Variants in KTN1 observed in about 807,000 individuals in gnomAD.
KTN1 encodes the protein kinectin.
KTN1 carries 130 observed loss-of-function variants against 222.5 expected under a neutral mutation model. The observed-to-expected ratio is 0.58, with a 90% CI of 0.51 to 0.68. The LOEUF (loss-of-function observed/expected upper bound fraction) is 0.68. Ranked by LOEUF, KTN1 falls within the 30% of genes least tolerant of loss-of-function variation. The pLI, the probability that KTN1 is intolerant of heterozygous loss-of-function variation, is 0.00. For synonymous variants in KTN1, 512 were observed against 496.3 expected, an observed-to-expected ratio of 1.03 and a Z score of -0.42; for missense variants, 1,508 against 1,500.4, an observed-to-expected ratio of 1.01 and a Z score of -0.08.
chr14:55,636,094 G>C (rs147007483), intron 9 of KTN1, among the ~76,000 whole-genome samples: 77 of 152,278 alleles, frequency 5.1e-4, no homozygotes, highest in African/African-American at 1.7e-3. Flanking sequence ...ACACCATCCT[G>C]TCCTTCGGAA....
chr14:55,580,861 C>T (rs1290891659), intron 1 of KTN1, among the ~76,000 whole-genome samples: 2 of 152,162 alleles, frequency 1.3e-5, no homozygotes, highest in African/African-American at 2.4e-5. Context: ...GCTGGAGTTC[C>T]AGTCCTCGCC....
chr14:55,646,960 AT>A lies in KTN1; in HGVS notation c.2173-8del. ...TGGTAAAGTTAAACTTTTTTTGGTG[AT>A]TTTTATTTTAGCCTAATAAGGATGT... On this transcript the variant is annotated splice_polypyrimidine_tract_variant and intron_variant, in intron 18 of 43. Coordinates refer to ENST00000395314, the MANE Select transcript of KTN1 (RefSeq NM_001079521.2). 1 of 1,499,724 alleles carries A rather than the reference AT, an allele frequency of 6.7e-7. No homozygotes were observed. The highest frequency in any genetic ancestry group is 9.2e-7 in the Non-Finnish European group (1 of 1,081,672). The allele number at this position is 1,499,724 out of a possible 1,614,324, so 92.9% of individuals were successfully genotyped here.
intron 1 of KTN1, among the ~76,000 whole-genome samples, chr14:55,610,419 C>T (rs1200741692): frequency 6.6e-6 from 1 of 152,084 alleles, no homozygotes; most frequent in Non-Finnish European, 1.5e-5. Context: ...ACAGTTCTGG[C>T]AAAGTCTTAT....
intron 31 of KTN1, among the ~76,000 whole-genome samples, 167 bp downstream of exon 31, chr14:55,659,870 A>G (rs2043921951): frequency 1.3e-5 from 2 of 152,108 alleles, no homozygotes; most frequent in African/African-American, 4.8e-5. Context: ...TTTGGCTAAG[A>G]TGCTTTTTTT....
In KTN1 at chr14:55,633,361, A is replaced by AT; in HGVS notation, c.1328+26dup. The AT allele has an allele frequency of 3.7e-6, 5 of 1,338,932 alleles. No individual in the cohort carries two copies. The highest frequency in any genetic ancestry group is 5.1e-6 in the Non-Finnish European group (5 of 974,050). The allele number at this position is 1,338,932 out of a possible 1,614,324, so 82.9% of individuals were successfully genotyped here. The stretch of plus-strand genomic sequence containing the variant: ...AAGCAAGTATGTTTCCAAATACCTT[A>AT]TTTTTTAATTGAATGGCAGAGTATT... On this transcript the variant is annotated intron_variant, in intron 8 of 43. Coordinates refer to ENST00000395314, the MANE Select transcript of KTN1 (RefSeq NM_001079521.2).
intron 18 of KTN1, chr14:55,644,415 G>A (rs1033387245): frequency 1.4e-6 from 1 of 702,402 alleles, no homozygotes; most frequent in African/African-American, 1.7e-5. Context: ...TTCTTCAGGT[G>A]TAGGAAGCAG....
chr14:55,653,676 A>G, intron 28 of KTN1, 80 bp downstream of exon 28: 1 of 1,009,826 alleles, frequency 9.9e-7, no homozygotes, highest in South Asian at 1.4e-5. Context: ...TATAATGATG[A>G]GTTTCCTGTA....
chr14:55,611,933 T>C (rs1369096902), intron 1 of KTN1, 86 bp from the exon 2 acceptor site: 2 of 550,536 alleles, frequency 3.6e-6, no homozygotes, highest in African/African-American at 2.0e-5. Flanking sequence ...GAAATGCCAC[T>C]TGAAAGAGCA....
intron 5 of KTN1, among the ~76,000 whole-genome samples, chr14:55,626,265 T>C (rs1302581174): frequency 6.6e-6 from 1 of 152,156 alleles, no homozygotes; most frequent in Non-Finnish European, 1.5e-5. Flanking sequence ...TTTTTATTTA[T>C]TTCTCTTCAC....
intron 1 of KTN1, chr14:55,607,570 T>A (rs1594805585): frequency 6.6e-6 from 1 of 152,222 alleles, no homozygotes; most frequent in South Asian, 2.1e-4. Flanking sequence ...GGAATGTGGT[T>A]TTAAAATAGT....
chr14:55,581,871 G>A (rs2031738429), intron 1 of KTN1, among the ~76,000 whole-genome samples: 1 of 151,674 alleles, frequency 6.6e-6, no homozygotes, highest in African/African-American at 2.4e-5. Context: ...CATATTTGAT[G>A]TGCTGCCTGA....
chr14:55,599,756 G>T (rs2035686306), intron 1 of KTN1, among the ~76,000 whole-genome samples: 1 of 152,102 alleles, frequency 6.6e-6, no homozygotes, highest in African/African-American at 2.4e-5. Flanking sequence ...GTGGTAGGAA[G>T]GGGGCAGTAG....
intron 33 of KTN1, among the ~76,000 whole-genome samples, chr14:55,664,917 T>C (rs146673501): frequency 6.5e-4 from 99 of 152,156 alleles, no homozygotes; most frequent in African/African-American, 2.2e-3. Context: ...TTGTGTGCCA[T>C]GGTACTCTAT....
At chr14:55,641,553 T>A in intron 17 of KTN1, 139 bp from the exon 18 acceptor site, 1 of 696,542 alleles carries the variant, frequency 1.4e-6, no homozygotes, top group Non-Finnish European at 2.6e-6. Context: ...GAAATTTGAA[T>A]TATGTCAGTG....
intron 13 of KTN1, 119 bp from the exon 14 acceptor site, chr14:55,639,781 TGAAAGGGGCTATA>T (rs2041572867): frequency 9.8e-6 from 6 of 610,174 alleles, no homozygotes; most frequent in Admixed American, 5.7e-5. Context: ...GTTAGTAAAC[TGAAAGGGGCTATA>T]GAAATGGAAG....
At chr14:55,657,396 C>CTTTTTTTTTTTTTTTTTTT in intron 29 of KTN1, among the ~76,000 whole-genome samples, 1 of 115,650 alleles carries the variant, frequency 8.6e-6, no homozygotes, top group African/African-American at 3.3e-5. Context: ...ACTGAGTTGA[C>CTTTTTTTTTTTTTTTTTTT]GTTTTTTTTT....
At chr14:55,628,168 G>A in intron 6 of KTN1, 140 bp downstream of exon 6, 2 of 592,894 alleles carry the variant, frequency 3.4e-6, no homozygotes, top group South Asian at 2.1e-5. Flanking sequence ...GTTTTGGGAG[G>A]GTAGATAGAG....
intron 41 of KTN1, among the ~76,000 whole-genome samples, 172 bp downstream of exon 41, chr14:55,676,090 T>C (rs752328925): frequency 2.0e-5 from 3 of 152,198 alleles, no homozygotes; most frequent in African/African-American, 4.8e-5. Flanking sequence ...ACGTTTTGGC[T>C]TGTTTTTCCA....
At chr14:55,681,028 T>C (rs550225326) in intron 43 of KTN1, 1 of 242,140 alleles carries the variant, frequency 4.1e-6, no homozygotes, top group East Asian at 9.5e-5. Context: ...ATTTTAACCT[T>C]GTACTTCCTT....
Sources: allele counts gnomAD v4.1 joint callset (sites outside exome capture counted in the v4.1 genomes callset), GRCh38; gene constraint gnomAD v4.1.1; transcripts MANE v1.5; gene names NCBI Gene and HGNC (gene_info 2026-07-23, HGNC 2026-07-21).